CSNK1G1: variants seen among roughly 807,000 people sequenced by gnomAD.
CSNK1G1 encodes casein kinase 1 gamma 1.
A neutral mutation model predicts 59.6 loss-of-function variants in CSNK1G1; 22 were observed. That is an observed-to-expected ratio of 0.37 (90% confidence interval 0.26 to 0.53). CSNK1G1 has a LOEUF of 0.53. Among genes scored for constraint, CSNK1G1 ranks in the 20% least tolerant of loss-of-function variants. CSNK1G1 has a pLI of 0.89. For missense variants in CSNK1G1, 384 were observed against 519.5 expected, an observed-to-expected ratio of 0.74 and a Z score of 2.54; for synonymous variants, 179 against 177.1, an observed-to-expected ratio of 1.01 and a Z score of -0.08.
chr15:64,253,815 C>T lies in CSNK1G1; in HGVS notation c.223-2234G>A, dbSNP rs148721620. Among the ~76,000 whole-genome samples the T allele has an allele frequency of 2.8e-4, 43 of 152,232 alleles. No individual in the cohort carries two copies. In the East Asian group the frequency reaches 6.2e-3, roughly 22 times the overall value. ...GCTCAGTGAAATAAGCCAGTTACAA[C>T]GGACAAATATTGAATGAGTCTACTT... On this transcript the variant is annotated intron_variant, in intron 3 of 11. Coordinates refer to ENST00000303052, the MANE Select transcript of CSNK1G1 (RefSeq NM_022048.5).
In CSNK1G1 at chr15:64,171,838, C is replaced by T; in HGVS notation, c.*93G>A. 1 of 1,131,558 alleles carries T rather than the reference C, an allele frequency of 8.8e-7. No homozygotes were observed. Among genetic ancestry groups the T allele is most frequent in the African/African-American group, 1.5e-5 (1 of 65,350 alleles). 70.1% of individuals were successfully genotyped at this position (1,131,558 alleles called of 1,614,324 possible). ...TTTGGTTTGGATATCCACCCTCCCCCAAAGAGGAGTCCCTTCCAATGAGAA... is the reference window on the plus strand; with the variant it reads ...TTTGGTTTGGATATCCACCCTCCCCTAAAGAGGAGTCCCTTCCAATGAGAA... On this transcript the variant is annotated 3_prime_UTR_variant, in exon 12 of 12. Transcript: ENST00000303052. This position sits in a 1 kb window ranked among gnomAD's most constrained non-coding sequence, Gnocchi z 4.8.
intron 2 of CSNK1G1, among the ~76,000 whole-genome samples, chr15:64,278,059 T>A (rs1167759647): frequency 2.0e-5 from 3 of 149,482 alleles, no homozygotes; most frequent in East Asian, 1.9e-4. Flanking sequence ...ATATATATAT[T>A]TTTTGAGATG....
chr15:64,179,255 A>C (rs186824597), intron 11 of CSNK1G1, among the ~76,000 whole-genome samples: 1 of 152,176 alleles, frequency 6.6e-6, no homozygotes, highest in Non-Finnish European at 1.5e-5. Context: ...CAAAAAATAA[A>C]TAAATAAAAA....
At chr15:64,294,019 TTGA>T (rs1894879491) in intron 2 of CSNK1G1, among the ~76,000 whole-genome samples, 1 of 152,144 alleles carries the variant, frequency 6.6e-6, no homozygotes. Context: ...ATATTTAAAA[TTGA>T]TGAGATATAT....
At chr15:64,282,117 T>G (rs950099451) in intron 2 of CSNK1G1, among the ~76,000 whole-genome samples, 3 of 151,660 alleles carry the variant, frequency 2.0e-5, no homozygotes, top group Non-Finnish European at 2.9e-5. Flanking sequence ...TTTGTGGAGA[T>G]GCGGTCTTGC....
In CSNK1G1 at chr15:64,212,368, T is replaced by TA. The variant is rs533696211; in HGVS notation, c.679+1521dup. On this transcript the variant is annotated intron_variant, in intron 6 of 11. Transcript: ENST00000303052. Reference sequence around the variant, plus strand: ...GAATTCCTCAGGTGAATAACCTGTGTAGTTTACTCAATGAGGGAACTTAGT... The same window carrying TA: ...GAATTCCTCAGGTGAATAACCTGTGTAAGTTTACTCAATGAGGGAACTTAGT... Among the ~76,000 whole-genome samples, 249 of 152,350 alleles carry TA rather than the reference T, an allele frequency of 1.6e-3. 2 individuals carry two copies. The highest frequency in any genetic ancestry group is 5.8e-3 in the African/African-American group (240 of 41,574).
chr15:64,325,595 T>G (rs1896795150), intron 1 of CSNK1G1, among the ~76,000 whole-genome samples: 1 of 152,200 alleles, frequency 6.6e-6, no homozygotes, highest in Non-Finnish European at 1.5e-5. Flanking sequence ...AATAAAGGTT[T>G]TAAAAGCTCC....
rs184221016 is a variant in CSNK1G1, at chr15:64,311,111, T to C, written c.-224-10388A>G. ...CTCTGTCACCCAGGCTGGAGTGTAG[T>C]GGCATGATCTCAGCTCACTGCAACT... On this transcript the variant is annotated intron_variant, in intron 1 of 11. Transcript: ENST00000303052. 1.9e-4 allele frequency among the ~76,000 whole-genome samples: 29 copies of C among 151,772 alleles called. 1 individual carries two copies. In the East Asian group the frequency reaches 2.2e-3, roughly 11 times the overall value.
At chr15:64,198,036 T>C (rs1358262942) in intron 10 of CSNK1G1, among the ~76,000 whole-genome samples, 2 of 152,048 alleles carry the variant, frequency 1.3e-5, no homozygotes, top group Non-Finnish European at 2.9e-5. Flanking sequence ...TTGCTCAGAC[T>C]AGATGAAATT....
intron 2 of CSNK1G1, among the ~76,000 whole-genome samples, chr15:64,272,051 T>C (rs1372114369): frequency 6.6e-6 from 1 of 152,222 alleles, no homozygotes; most frequent in Non-Finnish European, 1.5e-5. Context: ...GTCTGTTTTG[T>C]CTGAAATTAG....
chr15:64,187,091 G>A (rs1175479596), intron 10 of CSNK1G1, among the ~76,000 whole-genome samples: 13 of 152,134 alleles, frequency 8.5e-5, no homozygotes, highest in African/African-American at 2.4e-5. Flanking sequence ...AAAGTGCTGG[G>A]ATTATAGGTG....
intron 10 of CSNK1G1, among the ~76,000 whole-genome samples, chr15:64,187,195 G>GT (rs915803492): frequency 1.6e-4 from 24 of 150,136 alleles, no homozygotes; most frequent in Admixed American, 7.9e-4. Context: ...ATCCATCATG[G>GT]TTTTTTTTGG....
intron 11 of CSNK1G1, among the ~76,000 whole-genome samples, chr15:64,173,624 T>C (rs530826318): frequency 4.9e-4 from 68 of 139,826 alleles, no homozygotes; most frequent in Admixed American, 1.1e-3. Context: ...CTTTTCTTTT[T>C]TTTTTTTTTT....
chr15:64,278,314 C>T lies in CSNK1G1; in HGVS notation c.182-19073G>A, dbSNP rs191393195. Reference sequence around the variant, plus strand: ...CACCCGCCTCGGCCTCCCAAAGTGCCGGGATTGTAGGCGTGAGTCACCACA... The same window carrying T: ...CACCCGCCTCGGCCTCCCAAAGTGCTGGGATTGTAGGCGTGAGTCACCACA... On this transcript the variant is annotated intron_variant, in intron 2 of 11. Transcript: ENST00000303052. Among the ~76,000 whole-genome samples, 1,081 of 149,724 alleles carry T rather than the reference C, an allele frequency of 7.2e-3. 16 individuals are homozygous for T. The highest frequency in any genetic ancestry group is 0.025 in the African/African-American group (1,000 of 40,714).
chr15:64,346,383 T>C (rs1221041892), intron 1 of CSNK1G1, among the ~76,000 whole-genome samples: 3 of 150,610 alleles, frequency 2.0e-5, no homozygotes, highest in Admixed American at 6.6e-5. Flanking sequence ...TGAAGATAAA[T>C]AGGAGAAAAT....
intron 4 of CSNK1G1, among the ~76,000 whole-genome samples, chr15:64,250,797 T>G (rs1037073342): frequency 7.2e-5 from 11 of 152,030 alleles, no homozygotes; most frequent in African/African-American, 2.4e-4. Flanking sequence ...GCTTTAGTCA[T>G]TCATATAAAA....
intron 4 of CSNK1G1, among the ~76,000 whole-genome samples, chr15:64,217,219 C>T (rs540064946): frequency 6.6e-6 from 1 of 152,300 alleles, no homozygotes; most frequent in African/African-American, 2.4e-5. Context: ...GCAGCCTGGC[C>T]CCAGGCCAGC....
intron 1 of CSNK1G1, among the ~76,000 whole-genome samples, chr15:64,314,937 TAAG>T (rs1896192785): frequency 6.6e-6 from 1 of 152,212 alleles, no homozygotes; most frequent in African/African-American, 2.4e-5. Context: ...GCAATGAACA[TAAG>T]AAAGCAGACA....
intron 4 of CSNK1G1, among the ~76,000 whole-genome samples, chr15:64,249,097 G>A (rs1891930881): frequency 6.6e-6 from 1 of 152,112 alleles, no homozygotes; most frequent in African/African-American, 2.4e-5. Context: ...ACTCCAGCCT[G>A]GTGACATAGC....
Sources: allele counts gnomAD v4.1 joint callset (sites outside exome capture counted in the v4.1 genomes callset), GRCh38; gene constraint gnomAD v4.1.1; non-coding constraint Gnocchi (gnomAD v3.1); transcripts MANE v1.5; gene names NCBI Gene and HGNC (gene_info 2026-07-23, HGNC 2026-07-21).